Variants in OSBPL10 observed in about 807,000 individuals in gnomAD.
OSBPL10 encodes the protein oxysterol binding protein like 10.
A neutral mutation model predicts 81.7 loss-of-function variants in OSBPL10; 49 were observed. The observed-to-expected ratio is 0.60, with a 90% CI of 0.48 to 0.76. The LOEUF (loss-of-function observed/expected upper bound fraction) is 0.76. Among genes scored for constraint, OSBPL10 ranks in the 30% least tolerant of loss-of-function variants. The pLI, the probability that OSBPL10 is intolerant of heterozygous loss-of-function variation, is 0.00. For missense variants in OSBPL10, 923 were observed against 987.8 expected, an observed-to-expected ratio of 0.93 and a Z score of 0.88; for synonymous variants, 419 against 383.6, an observed-to-expected ratio of 1.09 and a Z score of -1.08.
intron 1 of OSBPL10, among the ~76,000 whole-genome samples, chr3:31,897,733 G>C (rs1696097383): frequency 6.6e-6 from 1 of 152,178 alleles, no homozygotes; most frequent in African/African-American, 2.4e-5. Flanking sequence ...AACGAGGCCA[G>C]GCACAGTGGC....
At chr3:31,909,077 G>A (rs1400153596) in intron 1 of OSBPL10, among the ~76,000 whole-genome samples, 1 of 152,210 alleles carries the variant, frequency 6.6e-6, no homozygotes, top group Non-Finnish European at 1.5e-5. Flanking sequence ...TAATGACTGT[G>A]TTAAGTCTTT....
upstream of OSBPL10, among the ~76,000 whole-genome samples, chr3:31,982,270 A>G (rs1257457168): frequency 6.6e-6 from 1 of 152,180 alleles, no homozygotes; most frequent in Non-Finnish European, 1.5e-5. Context: ...CTATCCCACT[A>G]ATATTTTTTG....
chr3:32,031,163 CA>C (rs1246513554), intron 2 of OSBPL10, among the ~76,000 whole-genome samples: 22 of 131,524 alleles, frequency 1.7e-4, no homozygotes, highest in South Asian at 2.4e-4. Context: ...GACTCCATCT[CA>C]AAAAAAAAAG....
intron 7 of OSBPL10, among the ~76,000 whole-genome samples, chr3:31,687,800 A>G (rs908863537): frequency 6.6e-6 from 1 of 152,096 alleles, no homozygotes; most frequent in Non-Finnish European, 1.5e-5. Context: ...AGAGCCAGGT[A>G]TGGTGCCTTG....
intron 6 of OSBPL10, chr3:31,703,495 T>C (rs199580749): frequency 2.0e-5 from 3 of 152,170 alleles, no homozygotes; most frequent in Admixed American, 6.5e-5. Flanking sequence ...CAAATGTCCA[T>C]GCAAAAAACG....
chr3:31,980,690 C>G (rs945041972), intron 1 of OSBPL10, among the ~76,000 whole-genome samples: 2 of 152,162 alleles, frequency 1.3e-5, no homozygotes, highest in Non-Finnish European at 2.9e-5. Context: ...GGTGCGGTCC[C>G]GGGGTGGAGC....
At chr3:31,947,513 C>T (rs1374746972) in intron 1 of OSBPL10, among the ~76,000 whole-genome samples, 1 of 152,150 alleles carries the variant, frequency 6.6e-6, no homozygotes, top group Non-Finnish European at 1.5e-5. Flanking sequence ...ATCAGAAGTC[C>T]CCTACCAGCT....
rs138206340 is a variant in OSBPL10 at position 31,842,429 on chromosome 3, T to A, written c.538-12198A>T. 4.6e-5 allele frequency among the ~76,000 whole-genome samples: 7 copies of A among 152,296 alleles called. No individual in the cohort carries two copies. The East Asian group carries it at 1.3e-3, about 29-fold the overall frequency. ...CAGAAGTGGCATTGGCTAACAGGTG[T>A]CAATACCTGAGCAAGTTGGCTCTGT... On this transcript the variant is annotated intron_variant, in intron 3 of 11. Transcript: ENST00000396556.
Position 31,971,414 on chromosome 3 carries a change from A to T in OSBPL10, c.281+9485T>A, listed in dbSNP as rs145503893. Among the ~76,000 whole-genome samples the T allele has an allele frequency of 7.9e-3, 1,202 of 152,318 alleles. 13 individuals carry two copies. The highest frequency in any genetic ancestry group is 0.054 in the Middle Eastern group (16 of 294). On this transcript the variant is annotated intron_variant, in intron 1 of 11. Transcript: ENST00000396556. ...CTCGGCCTCCCAGTGTGCTGGGATT[A>T]CAGGCATGAGCCACTGCACCTGGCC...
chr3:31,862,064 T>C (rs921550921), intron 3 of OSBPL10, among the ~76,000 whole-genome samples: 2 of 152,198 alleles, frequency 1.3e-5, no homozygotes, highest in Non-Finnish European at 2.9e-5. Context: ...ACTTTGACTT[T>C]TGGTCAAAGC....
chr3:31,740,296 C>T (rs1697301487), intron 5 of OSBPL10, among the ~76,000 whole-genome samples: 1 of 152,130 alleles, frequency 6.6e-6, no homozygotes, highest in South Asian at 2.1e-4. Context: ...CCCGCCTCGG[C>T]CTCCCAAAGT....
At chr3:32,020,524 T>A (rs1304261458) in intron 2 of OSBPL10, among the ~76,000 whole-genome samples, 1 of 152,214 alleles carries the variant, frequency 6.6e-6, no homozygotes, top group African/African-American at 2.4e-5. Flanking sequence ...GCATACTACA[T>A]TTGTTTATCA....
intron 7 of OSBPL10, among the ~76,000 whole-genome samples, chr3:31,695,157 CCA>C (rs1695675092): frequency 6.6e-6 from 1 of 152,180 alleles, no homozygotes; most frequent in African/African-American, 2.4e-5. Context: ...CTAGTTTTAG[CCA>C]CAGTCTGCAT....
intron 1 of OSBPL10, among the ~76,000 whole-genome samples, chr3:31,962,854 T>C (rs1698206174): frequency 2.0e-5 from 3 of 152,202 alleles, no homozygotes; most frequent in Admixed American, 2.0e-4. Context: ...AAACAAATAT[T>C]GAGTACCTAC....
chr3:31,912,205 C>G (rs917782337), intron 1 of OSBPL10, among the ~76,000 whole-genome samples: 4 of 151,932 alleles, frequency 2.6e-5, no homozygotes, highest in African/African-American at 9.7e-5. Context: ...ACCAGCCTGG[C>G]TAACACGGTG....
intron 4 of OSBPL10, among the ~76,000 whole-genome samples, chr3:31,806,440 A>T (rs186593354): frequency 1.3e-5 from 2 of 152,346 alleles, no homozygotes; most frequent in East Asian, 3.9e-4. Flanking sequence ...GCCATTCTTC[A>T]TGGTCTTGCA....
chr3:31,870,033 C>A (rs1701279294), intron 3 of OSBPL10, among the ~76,000 whole-genome samples: 2 of 152,244 alleles, frequency 1.3e-5, no homozygotes, highest in Admixed American at 1.3e-4. Flanking sequence ...CTTGAGGAGC[C>A]CTTCAGCCCA....
At chr3:31,917,456 A>G (rs993682352) in intron 1 of OSBPL10, among the ~76,000 whole-genome samples, 10 of 152,010 alleles carry the variant, frequency 6.6e-5, no homozygotes, top group Non-Finnish European at 1.3e-4. Context: ...ACCTGGCTGC[A>G]GACAAGTGCA....
At chr3:31,812,519 T>C (rs1298759240) in intron 4 of OSBPL10, among the ~76,000 whole-genome samples, 1 of 152,022 alleles carries the variant, frequency 6.6e-6, no homozygotes, top group Non-Finnish European at 1.5e-5. Flanking sequence ...GAATCTCAAA[T>C]GAAAGGCACT....
Sources: gnomAD v4.1 joint callset for allele counts (sites outside exome capture counted in the v4.1 genomes callset) on GRCh38, gnomAD v4.1.1 for gene constraint, MANE v1.5 for transcripts, NCBI Gene and HGNC (gene_info 2026-07-23, HGNC 2026-07-21) for gene names.